The following CDH13 variants were observed in gnomAD, a reference collection of about 807,000 sequenced individuals.
CDH13 encodes the protein cadherin-13.
CDH13 carries 24 observed loss-of-function variants against 63.8 expected under a neutral mutation model. That is an observed-to-expected ratio of 0.38 (90% CI 0.27 to 0.53). The LOEUF (loss-of-function observed/expected upper bound fraction) is 0.53, where lower values mean the gene tolerates loss of function less well. Among genes scored for constraint, CDH13 ranks in the 20% least tolerant of loss-of-function variants. The pLI is 0.85. For synonymous variants in CDH13, 503 were observed against 355.3 expected, an observed-to-expected ratio of 1.42 and a Z score of -4.67; for missense variants, 1,049 against 903.1, an observed-to-expected ratio of 1.16 and a Z score of -2.07.
chr16:83,502,086 G>A (rs534071611), intron 7 of CDH13, among the ~76,000 whole-genome samples: 7 of 152,326 alleles, frequency 4.6e-5, no homozygotes, highest in Middle Eastern at 3.4e-3. Context: ...CACGGCCTGT[G>A]TGGAAGACAG....
At chr16:83,647,037 G>A (rs1033641638) in intron 8 of CDH13, among the ~76,000 whole-genome samples, 2 of 151,906 alleles carry the variant, frequency 1.3e-5, no homozygotes, top group Non-Finnish European at 2.9e-5. Flanking sequence ...TCGGCCAGGC[G>A]CGGTGGCTCA....
At chr16:83,767,457 TG>T (rs1359383032) in intron 11 of CDH13, among the ~76,000 whole-genome samples, 14 of 152,334 alleles carry the variant, frequency 9.2e-5, no homozygotes, top group South Asian at 6.2e-4. Context: ...ATTCTCCTTC[TG>T]AATGATTATG....
intron 4 of CDH13, among the ~76,000 whole-genome samples, chr16:83,187,611 G>C (rs942060377): frequency 6.6e-5 from 10 of 152,000 alleles, no homozygotes; most frequent in African/African-American, 1.2e-4. Context: ...CGCAGCTCTG[G>C]AGTGACTCAG....
At chr16:83,469,892 G>C (rs991138024) in intron 6 of CDH13, among the ~76,000 whole-genome samples, 2 of 152,230 alleles carry the variant, frequency 1.3e-5, no homozygotes, top group Admixed American at 6.5e-5. Context: ...ATTACACACT[G>C]AGGAGGCTGC....
chr16:82,848,100 C>T (rs1458248048), intron 1 of CDH13, among the ~76,000 whole-genome samples: 1 of 152,124 alleles, frequency 6.6e-6, no homozygotes, highest in Non-Finnish European at 1.5e-5. Flanking sequence ...GGTTTTGTAA[C>T]AATGAAAAAT....
chr16:82,912,851 G>A (rs1276068739), intron 2 of CDH13, among the ~76,000 whole-genome samples: 1 of 151,950 alleles, frequency 6.6e-6, no homozygotes, highest in Non-Finnish European at 1.5e-5. Context: ...GCTGAGGCAG[G>A]AGAATGGCGT....
At chr16:83,068,634 T>C (rs1408359248) in intron 3 of CDH13, among the ~76,000 whole-genome samples, 1 of 152,192 alleles carries the variant, frequency 6.6e-6, no homozygotes. Context: ...CCAAACATAC[T>C]GGCCTCCATG....
chr16:83,684,354 C>A (rs1377915270), intron 10 of CDH13, among the ~76,000 whole-genome samples: 2 of 151,124 alleles, frequency 1.3e-5, no homozygotes, highest in South Asian at 4.2e-4. Flanking sequence ...CCAGTGTGAG[C>A]AATAAAGCGT....
At chr16:83,150,668 G>C (rs977228680) in intron 4 of CDH13, among the ~76,000 whole-genome samples, 1 of 152,030 alleles carries the variant, frequency 6.6e-6, no homozygotes, top group Non-Finnish European at 1.5e-5. Flanking sequence ...TATACTTTTT[G>C]TTGTCTTACC....
chr16:82,846,612 T>A (rs560807631), intron 1 of CDH13, among the ~76,000 whole-genome samples: 1 of 152,322 alleles, frequency 6.6e-6, no homozygotes, highest in Non-Finnish European at 1.5e-5. Flanking sequence ...AGCCTGCGAA[T>A]CTTTACTCTG....
At chr16:82,633,901 C>T (rs76087704) in intron 1 of CDH13, among the ~76,000 whole-genome samples, 4,105 of 152,244 alleles carry the variant, frequency 0.027, 70 homozygotes, top group Non-Finnish European at 0.041. Flanking sequence ...AGCTACAGAC[C>T]CCAAAGATCA....
At chr16:82,683,724 A>AT (rs1339903506) in intron 1 of CDH13, among the ~76,000 whole-genome samples, 3 of 152,238 alleles carry the variant, frequency 2.0e-5, no homozygotes, top group African/African-American at 7.2e-5. Flanking sequence ...TATCCACACC[A>AT]TCTAGCTCAG....
intron 7 of CDH13, among the ~76,000 whole-genome samples, chr16:83,567,753 G>A (rs535625790): frequency 1.1e-4 from 16 of 152,020 alleles, no homozygotes; most frequent in African/African-American, 3.4e-4. Flanking sequence ...CCGCCACCAC[G>A]CCCGGCTAAT....
intron 2 of CDH13, among the ~76,000 whole-genome samples, chr16:82,914,394 G>A (rs778334679): frequency 2.6e-5 from 4 of 152,104 alleles, no homozygotes; most frequent in African/African-American, 7.2e-5. Context: ...ATGAGCCTAC[G>A]TTCAGCAATT....
intron 1 of CDH13, among the ~76,000 whole-genome samples, chr16:82,792,988 G>A (rs1245174363): frequency 3.3e-5 from 5 of 152,226 alleles, no homozygotes; most frequent in Non-Finnish European, 7.3e-5. Flanking sequence ...CCTGGGATGG[G>A]GTGACGTTCT....
chr16:82,839,046 A>T (rs558690137), intron 1 of CDH13, among the ~76,000 whole-genome samples: 7 of 152,256 alleles, frequency 4.6e-5, no homozygotes, highest in South Asian at 2.1e-4. Flanking sequence ...TTGTGTTCCA[A>T]TAAAACTTTA....
At chr16:82,638,823 T>TGTGTGTGTGTGTGTGTGTGCGCGCGC (rs139451683) in intron 1 of CDH13, among the ~76,000 whole-genome samples, 2,444 of 150,870 alleles carry the variant, frequency 0.016, 11 homozygotes, top group Middle Eastern at 0.024. Context: ...GGGCAGTGTG[T>TGTGTGTGTGTGTGTGTGTGCGCGCGC]GCGTGTGTGC....
chr16:83,061,934 A>G (rs1159408340), intron 3 of CDH13, among the ~76,000 whole-genome samples: 1 of 152,172 alleles, frequency 6.6e-6, no homozygotes, highest in African/African-American at 2.4e-5. Context: ...CCCTCTAGAG[A>G]GGCTGTGAGA....
intron 5 of CDH13, among the ~76,000 whole-genome samples, chr16:83,232,440 G>C (rs1256723437): frequency 6.6e-6 from 1 of 151,526 alleles, no homozygotes; most frequent in East Asian, 1.9e-4. Context: ...CAGGAGAATC[G>C]CTTGAACCTG....
Sources: gnomAD v4.1 joint callset for allele counts (sites outside exome capture counted in the v4.1 genomes callset) on GRCh38, gnomAD v4.1.1 for gene constraint, MANE v1.5 for transcripts, NCBI Gene and HGNC (gene_info 2026-07-23, HGNC 2026-07-21) for gene names.